The following LEF1 variants were observed in gnomAD, a reference collection of about 807,000 sequenced individuals.
The protein encoded by LEF1 is lymphoid enhancer-binding factor 1.
A neutral mutation model predicts 51.2 loss-of-function variants in LEF1; 14 were observed. The observed-to-expected ratio is 0.27, with a 90% CI of 0.18 to 0.43. The LOEUF is 0.43. Among genes scored for constraint, LEF1 ranks in the 20% least tolerant of loss-of-function variants. The pLI is 1.00. For missense variants in LEF1, 386 were observed against 512.0 expected (o/e 0.75, Z 2.37); for synonymous variants, 185 against 183.2 (o/e 1.01, Z -0.08).
intron 3 of LEF1, among the ~76,000 whole-genome samples, chr4:108,118,822 T>A (rs980804523): frequency 1.1e-4 from 17 of 152,152 alleles, no homozygotes; most frequent in Non-Finnish European, 2.2e-4. Context: ...TGAGACAGTA[T>A]AACACACAAC....
At chr4:108,144,672 A>G (rs567500669) in intron 3 of LEF1, among the ~76,000 whole-genome samples, 155 of 152,216 alleles carry the variant, frequency 1.0e-3, no homozygotes, top group African/African-American at 3.7e-3. Context: ...CAGCTGCTGG[A>G]GGGCAGGGCC....
rs892402377 is a variant in LEF1, at chr4:108,168,380, G to C, written c.-613C>G. On this transcript the variant is annotated 5_prime_UTR_variant, in exon 1 of 12. Transcript: ENST00000265165. The surrounding 1 kb of genome is among the most constrained non-coding windows in gnomAD (Gnocchi z 4.6). ...CTGAAGGGTGGGAAAAAAAGAAAAA[G>C]AAAAAGGAGCCACCCACGCTGGAGA... The C allele has an allele frequency of 6.6e-6, 1 of 151,428 alleles. No homozygotes were observed. The highest frequency in any genetic ancestry group is 2.4e-5 in the African/African-American group (1 of 41,466). The allele number at this position is 151,428 out of a possible 1,614,324, so 9.4% of individuals were successfully genotyped here. A position where few individuals can be genotyped will look rare whatever the true frequency, so the allele number is the denominator to read the frequency against.
chr4:108,054,454 A>G (rs1022474936), intron 11 of LEF1, among the ~76,000 whole-genome samples: 1 of 152,188 alleles, frequency 6.6e-6, no homozygotes, highest in Non-Finnish European at 1.5e-5. Flanking sequence ...TTATTTTCTC[A>G]TCCTTCAGAC....
intron 11 of LEF1, among the ~76,000 whole-genome samples, chr4:108,052,329 C>T (rs1174034046): frequency 2.6e-5 from 4 of 152,226 alleles, no homozygotes; most frequent in Non-Finnish European, 4.4e-5. Context: ...ACCCTTTCTT[C>T]GTCGTCCTCT....
intron 3 of LEF1, among the ~76,000 whole-genome samples, chr4:108,140,427 C>T (rs1353380097): frequency 1.3e-5 from 2 of 152,134 alleles, no homozygotes; most frequent in Non-Finnish European, 2.9e-5. Context: ...CTTTATTTTT[C>T]TCTTTTATCT....
At chr4:108,147,126 G>A (rs1744046820) in intron 3 of LEF1, among the ~76,000 whole-genome samples, 1 of 152,180 alleles carries the variant, frequency 6.6e-6, no homozygotes, top group South Asian at 2.1e-4. Context: ...AGGCCCGGGA[G>A]GGAGGGAGAG....
At chr4:108,166,666 T>G in intron 1 of LEF1, 3 of 1,004,038 alleles carry the variant, frequency 3.0e-6, no homozygotes, top group African/African-American at 1.7e-5. Context: ...ACCAGCTCTA[T>G]CGCCCGCAGC....
intron 3 of LEF1, among the ~76,000 whole-genome samples, chr4:108,118,020 C>T (rs1329193849): frequency 6.6e-6 from 1 of 152,192 alleles, no homozygotes; most frequent in Non-Finnish European, 1.5e-5. Flanking sequence ...AATGACTACT[C>T]TGTGAGATTG....
intron 11 of LEF1, among the ~76,000 whole-genome samples, chr4:108,053,583 T>C (rs759841954): frequency 6.6e-6 from 1 of 152,214 alleles, no homozygotes; most frequent in Non-Finnish European, 1.5e-5. Context: ...AATGTCAAGA[T>C]GACTTTGAGA....
Position 108,090,114 on chromosome 4 carries a change from C to A in LEF1, c.415-857G>T, listed in dbSNP as rs1022582303. Among the ~76,000 whole-genome samples, 7 of 151,900 alleles carry A rather than the reference C, an allele frequency of 4.6e-5. No homozygotes were observed. In the East Asian group the frequency reaches 1.2e-3, roughly 25 times the overall value. Reference sequence around the variant, plus strand: ...TCCTGCCTCAGCCTCCCAAGTAGGACTACAGGCACCCGCCACCACATTCAG... The same window carrying A: ...TCCTGCCTCAGCCTCCCAAGTAGGAATACAGGCACCCGCCACCACATTCAG... On this transcript the variant is annotated intron_variant, in intron 3 of 11. Transcript: ENST00000265165.
At chr4:108,075,533 A>G (rs1738800532) in intron 8 of LEF1, 2 of 152,242 alleles carry the variant, frequency 1.3e-5, no homozygotes, top group South Asian at 2.1e-4. Flanking sequence ...TACCACACAG[A>G]TATGAAGAGC....
chr4:108,159,185 G>A (rs1219155553), intron 3 of LEF1, among the ~76,000 whole-genome samples: 1 of 152,118 alleles, frequency 6.6e-6, no homozygotes, highest in Non-Finnish European at 1.5e-5. Flanking sequence ...ATGGGGGAAT[G>A]GCAAGCGCTT....
chr4:108,099,578 A>ATATGTG (rs1740648854), intron 3 of LEF1, among the ~76,000 whole-genome samples: 1 of 44,418 alleles, frequency 2.3e-5, no homozygotes, highest in African/African-American at 1.3e-4. Flanking sequence ...GTGTATATAT[A>ATATGTG]TATATATATA....
intron 4 of LEF1, among the ~76,000 whole-genome samples, chr4:108,084,537 C>T (rs887367250): frequency 6.6e-6 from 1 of 152,206 alleles, no homozygotes; most frequent in African/African-American, 2.4e-5. Flanking sequence ...AAAGCCTTCA[C>T]ATTGGGAATG....
intron 9 of LEF1, among the ~76,000 whole-genome samples, chr4:108,069,629 A>G (rs1359883679): frequency 6.6e-6 from 1 of 152,220 alleles, no homozygotes; most frequent in Non-Finnish European, 1.5e-5. Flanking sequence ...AAAATAATAC[A>G]GTCCTTTGGA....
intron 4 of LEF1, 36 bp downstream of exon 4, chr4:108,089,089 C>G (rs1739836132): frequency 6.4e-7 from 1 of 1,568,540 alleles, no homozygotes; most frequent in Admixed American, 1.7e-5. Flanking sequence ...CTTCATTTGG[C>G]AAAAAAAAAG....
At chr4:108,075,969 A>G (rs2126282184) in intron 8 of LEF1, among the ~76,000 whole-genome samples, 1 of 152,304 alleles carries the variant, frequency 6.6e-6, no homozygotes, top group African/African-American at 2.4e-5. Flanking sequence ...CTGTCCTGGA[A>G]GGAGTGGCCA....
intron 3 of LEF1, among the ~76,000 whole-genome samples, chr4:108,159,931 A>G (rs1171843336): frequency 6.6e-6 from 1 of 152,232 alleles, no homozygotes; most frequent in Non-Finnish European, 1.5e-5. Flanking sequence ...TAGAAAGATC[A>G]CAAAGAACCA....
At chr4:108,099,182 A>G (rs1560788665) in intron 3 of LEF1, among the ~76,000 whole-genome samples, 1 of 152,180 alleles carries the variant, frequency 6.6e-6, no homozygotes, top group African/African-American at 2.4e-5. Context: ...AATTAATTTT[A>G]CCTGTCTTTA....
Sources: allele counts gnomAD v4.1 joint callset (sites outside exome capture counted in the v4.1 genomes callset), GRCh38; gene constraint gnomAD v4.1.1; non-coding constraint Gnocchi (gnomAD v3.1); transcripts MANE v1.5; gene names NCBI Gene and HGNC (gene_info 2026-07-23, HGNC 2026-07-21).